Variants in COL9A3 observed in about 807,000 individuals in gnomAD.
COL9A3 encodes the protein collagen type IX alpha 3 chain.
A neutral mutation model predicts 110.2 loss-of-function variants in COL9A3; 82 were observed. The observed-to-expected ratio is 0.74, with a 90% confidence interval of 0.62 to 0.89. COL9A3 has a LOEUF of 0.89. COL9A3 is among the 40% of genes least tolerant of loss of function. The probability of loss-of-function intolerance (pLI) is 0.00; values close to 1 mark genes in which losing one functional copy is unlikely to be tolerated. For missense variants in COL9A3, 1,066 were observed against 981.3 expected (o/e 1.09, Z -1.15); for synonymous variants, 494 against 403.8 (o/e 1.22, Z -2.68).
At chr20:62,820,092 C>A in intron 5 of COL9A3, 110 bp downstream of exon 5, 2 of 1,305,484 alleles carry the variant, frequency 1.5e-6, no homozygotes, top group South Asian at 1.2e-5. Flanking sequence ...CCAAGGACAG[C>A]TGCCCTGCCC....
intron 12 of COL9A3, chr20:62,825,401 C>G: frequency 2.9e-6 from 1 of 342,912 alleles, no homozygotes; most frequent in Non-Finnish European, 5.3e-6. Flanking sequence ...TGGCTTTAGC[C>G]TGTAGCCTCC....
At chr20:62,837,382 T>C in intron 30 of COL9A3, 117 bp downstream of exon 30, 5 of 1,100,612 alleles carry the variant, frequency 4.5e-6, no homozygotes, top group Non-Finnish European at 6.7e-6. Flanking sequence ...CCCTGGAACG[T>C]GGGGGCCTCT....
chr20:62,833,671 G>A, intron 26 of COL9A3, among the ~76,000 whole-genome samples: 1 of 151,288 alleles, frequency 6.6e-6, no homozygotes, highest in East Asian at 2.0e-4. Context: ...TCAAAGTGCT[G>A]GGATTACAGG....
In COL9A3 at chr20:62,840,761, GAC is replaced by G. The variant is rs2063671821; in HGVS notation, c.*30_*31del. The G allele has an allele frequency of 9.0e-6, 14 of 1,552,518 alleles. No homozygotes were observed. The East Asian group carries it at 3.2e-4, about 35-fold the overall frequency. ...TCAACGTGAGGAAGCAAGTGACAAG[GAC>G]GCCCGAAGCACAGTGGACGGTCATG... is the stretch of plus-strand genomic sequence containing the variant. On this transcript the variant is annotated 3_prime_UTR_variant, in exon 32 of 32. Transcript: ENST00000649368.
rs1341529842 is a variant in COL9A3, at chr20:62,836,321, G to A, written c.1536G>A (p.Lys512=). The A allele has an allele frequency of 6.2e-7, 1 of 1,613,672 alleles. No homozygotes were observed. ...GVPGVPGITG[K]PGVPGKEASE... ...CGGGTGTTCCTGGCATCACGGGGAA[G>A]CCGGGAGTTCCGGTACGTCGCTTTT... is the stretch of plus-strand genomic sequence containing the variant. Residue 512 remains lysine, a synonymous_variant, in exon 28 of 32, where the codon AAG becomes AAA. Coordinates refer to ENST00000649368, the MANE Select transcript of COL9A3 (RefSeq NM_001853.4).
chr20:62,839,986 C>T (rs2063663076), intron 31 of COL9A3, among the ~76,000 whole-genome samples: 1 of 152,194 alleles, frequency 6.6e-6, no homozygotes, highest in South Asian at 2.1e-4. Context: ...GTCTCTCCGC[C>T]TGTGGCTCTG....
At chr20:62,824,632 G>A in intron 11 of COL9A3, 131 bp downstream of exon 11, 1 of 983,724 alleles carries the variant, frequency 1.0e-6, no homozygotes, top group Non-Finnish European at 1.6e-6. Context: ...CAGGAAGAAA[G>A]CTAGGCCAGC....
In COL9A3 at chr20:62,824,513, G is replaced by T; in HGVS notation, c.576+12G>T. 3 of 1,582,588 alleles carry T rather than the reference G, an allele frequency of 1.9e-6. No individual in the cohort carries two copies. The highest frequency in any genetic ancestry group is 2.6e-6 in the Non-Finnish European group (3 of 1,165,162). On this transcript the variant is annotated intron_variant, in intron 11 of 31. Coordinates refer to ENST00000649368, the MANE Select transcript of COL9A3 (RefSeq NM_001853.4). The stretch of plus-strand genomic sequence containing the variant: ...TGCCAGGGTTCAAGGTGAGTCACGG[G>T]TGACTGGGACCCAAGCACCACCCTG...
chr20:62,834,404 G>T (rs117713069), intron 26 of COL9A3, among the ~76,000 whole-genome samples: 1,605 of 152,344 alleles, frequency 0.011, 10 homozygotes, highest in South Asian at 0.029. Context: ...CCCTTGATAG[G>T]CACATTTCTC....
chr20:62,824,365 G>A, intron 10 of COL9A3, 80 bp from the exon 11 acceptor site: 1 of 1,460,446 alleles, frequency 6.8e-7, no homozygotes. Context: ...GCCTCCTGGG[G>A]TCCCGCGGGC....
chr20:62,830,276 G>A (rs1007027020), intron 22 of COL9A3, 84 bp from the exon 23 acceptor site: 4 of 1,476,044 alleles, frequency 2.7e-6, no homozygotes, highest in Non-Finnish European at 2.8e-6. Flanking sequence ...CACTCTGGGG[G>A]AAGGCTGAGC....
intron 6 of COL9A3, 102 bp from the exon 7 acceptor site, chr20:62,821,405 G>T: frequency 6.6e-7 from 1 of 1,518,736 alleles, no homozygotes; most frequent in African/African-American, 1.4e-5. Context: ...CCCATCCCTG[G>T]AACCGCCCTT....
chr20:62,827,360 G>T, intron 16 of COL9A3, 66 bp downstream of exon 16: 2 of 1,528,388 alleles, frequency 1.3e-6, no homozygotes, highest in African/African-American at 2.7e-5. Flanking sequence ...CTCCTGACTC[G>T]TGCTGGGGAG....
At chr20:62,838,624 G>T in intron 30 of COL9A3, 60 bp from the exon 31 acceptor site, 2 of 1,420,402 alleles carry the variant, frequency 1.4e-6, no homozygotes, top group Non-Finnish European at 1.9e-6. Flanking sequence ...ATCAGACACC[G>T]CTGTGGTGTG....
intron 23 of COL9A3, 22 bp downstream of exon 23, chr20:62,830,435 G>C (rs199990404): frequency 6.4e-7 from 1 of 1,565,648 alleles, no homozygotes; most frequent in Admixed American, 1.9e-5. Context: ...TGGGGCAAGG[G>C]CCTGGCATGG....
At chr20:62,829,264 A>G (rs2063577290) in intron 19 of COL9A3, among the ~76,000 whole-genome samples, 191 bp from the exon 20 acceptor site, 1 of 152,180 alleles carries the variant, frequency 6.6e-6, no homozygotes. Context: ...GGCTCTGAGT[A>G]GGGGCTCCTG....
At chr20:62,837,050 C>G (rs370071454) in intron 29 of COL9A3, 33 bp from the exon 30 acceptor site, 70 of 1,609,584 alleles carry the variant, frequency 4.3e-5, no homozygotes, top group Admixed American at 8.3e-5. Flanking sequence ...GATCCTCTCT[C>G]GAGTAAACGC....
intron 22 of COL9A3, among the ~76,000 whole-genome samples, chr20:62,830,113 A>G (rs2147216437): frequency 6.6e-6 from 1 of 152,238 alleles, no homozygotes; most frequent in African/African-American, 2.4e-5. Flanking sequence ...GGGGGGAGCC[A>G]GGGGCATGGG....
chr20:62,834,324 A>G (rs1260820404), intron 26 of COL9A3, among the ~76,000 whole-genome samples: 6 of 152,140 alleles, frequency 3.9e-5, no homozygotes, highest in Non-Finnish European at 2.9e-5. Flanking sequence ...GCTGGTTTTT[A>G]ACTGAAGAAA....
Sources: allele counts gnomAD v4.1 joint callset (sites outside exome capture counted in the v4.1 genomes callset), GRCh38; gene constraint gnomAD v4.1.1; transcripts MANE v1.5; gene names NCBI Gene and HGNC (gene_info 2026-07-23, HGNC 2026-07-21).